POU2F2: variants seen among roughly 807,000 people sequenced by gnomAD.
The protein encoded by POU2F2 is POU class 2 homeobox 2, also known as POU domain, class 2, transcription factor 2.
In POU2F2, 14 loss-of-function variants were observed where a neutral mutation model predicts 63.5. The ratio of observed to expected loss-of-function variants is 0.22; its 90% confidence interval spans 0.15 to 0.34. POU2F2 has a LOEUF of 0.34. Ranked by LOEUF, POU2F2 falls within the 10% of genes least tolerant of loss-of-function variation. The pLI is 1.00. For synonymous variants in POU2F2, 306 were observed against 348.6 expected (o/e 0.88, Z 1.36); for missense variants, 607 against 815.2 (o/e 0.74, Z 3.11).
In POU2F2 at chr19:42,089,232, G is replaced by A. The variant is rs1255139462; in HGVS notation, c.*2025C>T. 1.3e-5 allele frequency: 2 copies of A among 152,522 alleles called. No individual in the cohort carries two copies. Among genetic ancestry groups the A allele is most frequent in the Non-Finnish European group, 2.9e-5 (2 of 68,030 alleles). The allele number at this position is 152,522 out of a possible 1,614,324, so 9.4% of individuals were successfully genotyped here. A position where few individuals can be genotyped will look rare whatever the true frequency, so the allele number is the denominator to read the frequency against. On this transcript the variant is annotated 3_prime_UTR_variant, in exon 15 of 15. Coordinates refer to ENST00000692977, the MANE Select transcript of POU2F2 (RefSeq NM_001394376.1). ...AGAGAGGAGAGCAAAGGGAGAGAGA[G>A]GAGACAGGAAGGAGGAGAGGAGAGA... is the stretch of plus-strand genomic sequence containing the variant.
intron 1 of POU2F2, among the ~76,000 whole-genome samples, chr19:42,127,404 G>C (rs183168232): frequency 6.6e-6 from 1 of 151,824 alleles, no homozygotes; most frequent in Admixed American, 6.6e-5. Flanking sequence ...TTTTGAGATG[G>C]AGTCTTGCTG....
rs201885223 is a variant in POU2F2, at chr19:42,117,223, C to T, written c.369+27G>A. On this transcript the variant is annotated intron_variant, in intron 5 of 14. Transcript: ENST00000692977. The surrounding 1 kb of genome is among the most constrained non-coding windows in gnomAD (Gnocchi z 4.4). ...ATGAGGGGTGGCTGGTTTGTCCCCTCGTCCCCATCCTTCCCCAAGTACTTA... is the reference window on the plus strand; with the variant it reads ...ATGAGGGGTGGCTGGTTTGTCCCCTTGTCCCCATCCTTCCCCAAGTACTTA... 69 of 1,452,424 alleles carry T rather than the reference C, an allele frequency of 4.8e-5. No homozygotes were observed. Among genetic ancestry groups the T allele is most frequent in the Middle Eastern group, 5.1e-4 (2 of 3,932 alleles). 90.0% of individuals were successfully genotyped at this position (1,452,424 alleles called of 1,614,324 possible).
At chr19:42,172,660 C>T (rs966064150) in intron 1 of POU2F2, among the ~76,000 whole-genome samples, 1 of 152,198 alleles carries the variant, frequency 6.6e-6, no homozygotes, top group East Asian at 1.9e-4. Context: ...TAAGCTCATG[C>T]AAACCCCTGT....
chr19:42,119,981 C>G (rs906886827), intron 4 of POU2F2, among the ~76,000 whole-genome samples: 5 of 151,932 alleles, frequency 3.3e-5, no homozygotes, highest in African/African-American at 1.2e-4. Flanking sequence ...TGCAGTGGCA[C>G]CATCAGGACT....
chr19:42,171,295 AGT>A (rs370415541), intron 1 of POU2F2, among the ~76,000 whole-genome samples: 8 of 151,738 alleles, frequency 5.3e-5, no homozygotes, highest in East Asian at 1.9e-4. Flanking sequence ...AGTCAAAATG[AGT>A]GTGTGTGTGT....
In POU2F2 at chr19:42,095,645, C is replaced by A. The variant is rs2076891499; in HGVS notation, c.920G>T (p.Ser307Ile). 2 of 1,613,054 alleles carry A rather than the reference C, an allele frequency of 1.2e-6. No homozygotes were observed. Among genetic ancestry groups the A allele is most frequent in the African/African-American group, 2.7e-5 (2 of 74,914 alleles). ...SSLPSPNQLS[S>I]PSLGFDGLPG... ...CAGGCCGTCGAAACCCAGGCTGGGG[C>A]TGCTCAGCTGGTTGGGGCTGGGCAG... Residue 307 changes from serine (S) to isoleucine (I), a missense_variant, in exon 10 of 15, where the codon AGC (serine) becomes ATC (isoleucine). Physicochemically the swap from Ser to Ile is moderately radical, Grantham distance 142. This residue lies in a region of POU2F2 where 39 missense variants were observed against 36.3 expected (regional missense o/e 1.07). Coordinates refer to ENST00000692977, the MANE Select transcript of POU2F2 (RefSeq NM_001394376.1). This position sits in a 1 kb window ranked among gnomAD's most constrained non-coding sequence, Gnocchi z 7.1.
At chr19:42,179,884 C>T (rs560104187), upstream of POU2F2, among the ~76,000 whole-genome samples, 3 of 152,044 alleles carry the variant, frequency 2.0e-5, no homozygotes, top group South Asian at 2.1e-4. Context: ...GCACTGTGTG[C>T]GCAACACAAA....
intron 7 of POU2F2, among the ~76,000 whole-genome samples, chr19:42,097,945 C>T (rs950469942): frequency 3.3e-5 from 5 of 152,222 alleles, no homozygotes; most frequent in Non-Finnish European, 7.3e-5. Context: ...TTCTCATCAT[C>T]CACCCACTCT....
intron 2 of POU2F2, among the ~76,000 whole-genome samples, chr19:42,146,263 G>A (rs1028257369): frequency 2.0e-5 from 3 of 152,082 alleles, no homozygotes; most frequent in African/African-American, 4.8e-5. Flanking sequence ...CCAGGAAACC[G>A]GACTCCAAAG....
intron 1 of POU2F2, among the ~76,000 whole-genome samples, chr19:42,191,538 A>G (rs926141572): frequency 3.3e-5 from 5 of 152,190 alleles, no homozygotes; most frequent in African/African-American, 1.2e-4. Flanking sequence ...ATTATCTTCA[A>G]AATCCCAGCT....
rs904694433 is a variant in POU2F2 at position 42,122,001 on chromosome 19, G to C, written c.186+125C>G. 6.9e-6 allele frequency: 7 copies of C among 1,010,480 alleles called. No homozygotes were observed. In the Admixed American group the frequency reaches 1.3e-4, roughly 19 times the overall value. The allele number at this position is 1,010,480 out of a possible 1,614,324, so 62.6% of individuals were successfully genotyped here. A position where few individuals can be genotyped will look rare whatever the true frequency, so the allele number is the denominator to read the frequency against. On this transcript the variant is annotated intron_variant, in intron 4 of 14. Coordinates refer to ENST00000692977, the MANE Select transcript of POU2F2 (RefSeq NM_001394376.1). ...TGGGAGCCCAAGAGTGAGAAGGGGC[G>C]GGAGGAACCTCGTTACCAAGGTACC... is the stretch of plus-strand genomic sequence containing the variant.
At chr19:42,128,998 A>G (rs897947513) in intron 1 of POU2F2, among the ~76,000 whole-genome samples, 5 of 151,936 alleles carry the variant, frequency 3.3e-5, no homozygotes, top group Admixed American at 1.3e-4. Context: ...ATGCCCGGCT[A>G]ATTTTTGTAT....
intron 5 of POU2F2, among the ~76,000 whole-genome samples, chr19:42,108,833 G>T (rs931855229): frequency 1.1e-4 from 16 of 152,188 alleles, no homozygotes; most frequent in Admixed American, 1.0e-3. Context: ...TTGTAGATCA[G>T]CTGCTCTGTC....
chr19:42,141,669 G>T (rs141913249), intron 2 of POU2F2, among the ~76,000 whole-genome samples: 2 of 151,750 alleles, frequency 1.3e-5, no homozygotes, highest in Non-Finnish European at 2.9e-5. Flanking sequence ...TAGTAGAGAC[G>T]GGGTTTCTCC....
At chr19:42,175,607 G>GA (rs2034858790) in intron 1 of POU2F2, among the ~76,000 whole-genome samples, 1 of 151,962 alleles carries the variant, frequency 6.6e-6, no homozygotes, top group Admixed American at 6.6e-5. Context: ...GATAGAAACT[G>GA]AAAAACAGTG....
At chr19:42,151,526 C>G (rs945667240) in intron 2 of POU2F2, among the ~76,000 whole-genome samples, 1 of 152,154 alleles carries the variant, frequency 6.6e-6, no homozygotes, top group Non-Finnish European at 1.5e-5. Flanking sequence ...TGGCCCTGCT[C>G]TCACCCTCTG....
intron 2 of POU2F2, among the ~76,000 whole-genome samples, chr19:42,158,346 C>T (rs957134115): frequency 2.4e-4 from 36 of 152,218 alleles, no homozygotes; most frequent in Non-Finnish European, 4.7e-4. Flanking sequence ...AATTCACTCC[C>T]AAAGTGCAAA....
At chr19:42,147,570 T>C (rs1317096306) in intron 2 of POU2F2, among the ~76,000 whole-genome samples, 1 of 152,234 alleles carries the variant, frequency 6.6e-6, no homozygotes, top group Non-Finnish European at 1.5e-5. Flanking sequence ...CAACAAACGC[T>C]GGGCACATAG....
chr19:42,175,355 C>T (rs1049534594), intron 1 of POU2F2, among the ~76,000 whole-genome samples: 2 of 152,154 alleles, frequency 1.3e-5, no homozygotes, highest in African/African-American at 4.8e-5. Flanking sequence ...AGCCCCTTTC[C>T]CTGGCACCCT....
Sources: allele counts gnomAD v4.1 joint callset (sites outside exome capture counted in the v4.1 genomes callset), GRCh38; gene constraint gnomAD v4.1.1; regional missense constraint gnomAD v4.1.1; non-coding constraint Gnocchi (gnomAD v3.1); transcripts MANE v1.5; gene names NCBI Gene and HGNC (gene_info 2026-07-23, HGNC 2026-07-21).